SREBF1: variants seen among roughly 807,000 people sequenced by gnomAD.
The protein encoded by SREBF1 is sterol regulatory element binding transcription factor 1.
Under a neutral mutation model 100.1 loss-of-function variants are expected in SREBF1, and 45 were observed. That is an observed-to-expected ratio of 0.45 (90% CI 0.35 to 0.58). The LOEUF is 0.58. Ranked by LOEUF, SREBF1 falls within the 20% of genes least tolerant of loss-of-function variation. The pLI is 0.00. For missense variants in SREBF1, 1,324 were observed against 1,539.4 expected (o/e 0.86, Z 2.34); for synonymous variants, 657 against 681.8 (o/e 0.96, Z 0.57).
chr17:17,818,709 G>A (rs557953261), intron 5 of SREBF1: 80 of 558,208 alleles, frequency 1.4e-4, no homozygotes, highest in Middle Eastern at 9.7e-4. Context: ...TGGTGGTCTC[G>A]AGCACTTATT....
At chr17:17,818,961 C>T in intron 5 of SREBF1, 52 bp downstream of exon 5, 3 of 1,586,700 alleles carry the variant, frequency 1.9e-6, no homozygotes, top group Non-Finnish European at 2.6e-6. Flanking sequence ...TGCCCCTGAT[C>T]TGTTCCTTCC....
intron 2 of SREBF1, 85 bp from the exon 3 acceptor site, chr17:17,819,810 C>A: frequency 6.8e-7 from 1 of 1,470,432 alleles, no homozygotes. Context: ...CACCGACTGG[C>A]CTTGGATGAG....
rs1167030900 is a variant in SREBF1, at chr17:17,833,472, TATAC to T, written c.91+3251_91+3254del. 5.9e-3 allele frequency among the ~76,000 whole-genome samples: 696 copies of T among 117,966 alleles called. 25 individuals carry two copies. The highest frequency in any genetic ancestry group is 0.023 in the African/African-American group (640 of 27,394). 77.4% of individuals were successfully genotyped at this position (117,966 alleles called of 152,430 possible). On this transcript the variant is annotated intron_variant, in intron 1 of 18. Transcript: ENST00000261646. ...AAAAATATATATATATATATATATATATACACACACACATACAGATCCACAGCTG... is the reference window on the plus strand; with the variant it reads ...AAAAATATATATATATATATATATATACACACACATACAGATCCACAGCTG...
chr17:17,829,108 A>G (rs2034669004), intron 1 of SREBF1, among the ~76,000 whole-genome samples: 2 of 150,058 alleles, frequency 1.3e-5, no homozygotes, highest in Non-Finnish European at 3.0e-5. Context: ...CAGGAGAATC[A>G]TTTGAACCCA....
chr17:17,814,492 T>C (rs1423121133), intron 15 of SREBF1, 82 bp from the exon 16 acceptor site: 1 of 1,538,154 alleles, frequency 6.5e-7, no homozygotes, highest in Non-Finnish European at 8.7e-7. Flanking sequence ...CTGGCTCGAG[T>C]TCCCTGAGGA....
rs201688246 is a variant in SREBF1 at position 17,816,349 on chromosome 17, G to A, written c.2072C>T (p.Thr691Ile). Residue 691 changes from threonine (T) to isoleucine (I), a missense_variant, in exon 11 of 19, where the codon ACT (threonine) becomes ATT (isoleucine). Transcript: ENST00000261646. ...GGCACTCAGCGCCAGGTTGGTGGCAGTGAGGTGCCCGCCTGTGTGCTTCCC... is the reference window on the plus strand; with the variant it reads ...GGCACTCAGCGCCAGGTTGGTGGCAATGAGGTGCCCGCCTGTGTGCTTCCC... ...TMGKHTGGHL[T>I]ATNLALSALN... The A allele has an allele frequency of 1.3e-6, 2 of 1,584,528 alleles. No individual in the cohort carries two copies. Among genetic ancestry groups the A allele is most frequent in the East Asian group, 4.6e-5 (2 of 43,120 alleles).
intron 1 of SREBF1, among the ~76,000 whole-genome samples, chr17:17,833,473 A>ATATATT (rs1283314278): frequency 1.5e-5 from 2 of 131,872 alleles, no homozygotes; most frequent in African/African-American, 6.0e-5. Context: ...ATATATATAT[A>ATATATT]TACACACACA....
intron 1 of SREBF1, among the ~76,000 whole-genome samples, chr17:17,825,877 A>G (rs961485626): frequency 3.9e-5 from 6 of 152,054 alleles, no homozygotes; most frequent in African/African-American, 1.4e-4. Flanking sequence ...CGGCCTCCCA[A>G]TGTGTTGCGA....
chr17:17,828,621 A>C (rs1459806727), intron 1 of SREBF1, among the ~76,000 whole-genome samples: 1 of 152,130 alleles, frequency 6.6e-6, no homozygotes, highest in Admixed American at 6.5e-5. Context: ...TTCAGTCAAA[A>C]TGGCAGTGCT....
chr17:17,831,914 G>A (rs2034886089), intron 1 of SREBF1, among the ~76,000 whole-genome samples: 1 of 152,170 alleles, frequency 6.6e-6, no homozygotes, highest in African/African-American at 2.4e-5. Context: ...ACCGGATGGG[G>A]CCCAAGGCCC....
At position 17,823,657 on chromosome 17, in the gene SREBF1, C is replaced by CGCCCCGCCCCCA. The variant is rs2034275588; in HGVS notation, c.92-3137_92-3136insTGGGGGCGGGGC. Reference sequence around the variant, plus strand: ...AAGCCGTTGAGCGCTGCGGCGCGCCCGCCCCGCCCCGCCCCGCCCCCAGCC... The same window carrying CGCCCCGCCCCCA: ...AAGCCGTTGAGCGCTGCGGCGCGCCCGCCCCGCCCCCAGCCCCGCCCCGCCCCGCCCCCAGCC... On this transcript the variant is annotated intron_variant, in intron 1 of 18. Coordinates refer to ENST00000261646, the MANE Select transcript of SREBF1 (RefSeq NM_004176.5). The CGCCCCGCCCCCA allele has an allele frequency of 2.4e-6, 3 of 1,225,398 alleles. No homozygotes were observed. The African/African-American group carries it at 4.7e-5, about 19-fold the overall frequency. The allele number at this position is 1,225,398 out of a possible 1,614,324, so 75.9% of individuals were successfully genotyped here.
chr17:17,835,999 G>T (rs1291108940), intron 1 of SREBF1, among the ~76,000 whole-genome samples: 3 of 152,208 alleles, frequency 2.0e-5, no homozygotes, highest in Non-Finnish European at 4.4e-5. Flanking sequence ...TCTCAGCTTA[G>T]AAGTCCCTGA....
chr17:17,829,209 T>A (rs1432962804), intron 1 of SREBF1, among the ~76,000 whole-genome samples: 1,315 of 47,870 alleles, frequency 0.027, 52 homozygotes, highest in Middle Eastern at 0.05. Flanking sequence ...AAAAAAAATA[T>A]ATATATATAT....
intron 1 of SREBF1, among the ~76,000 whole-genome samples, chr17:17,835,820 C>T (rs901923507): frequency 6.6e-6 from 1 of 152,250 alleles, no homozygotes; most frequent in Non-Finnish European, 1.5e-5. Context: ...TGTTCTGCTC[C>T]GCCCTTTCCC....
Position 17,820,292 on chromosome 17 carries a change from C to T in SREBF1, c.321G>A (p.Leu107=). 6.2e-7 allele frequency: 1 copy of T among 1,613,826 alleles called. No homozygotes were observed. Among genetic ancestry groups the T allele is most frequent in the South Asian group, 1.1e-5 (1 of 91,082 alleles). Residue 107 remains leucine, a synonymous_variant, in exon 2 of 19, where the codon TTG becomes TTA. Coordinates refer to ENST00000261646, the MANE Select transcript of SREBF1 (RefSeq NM_004176.5). ...AAGCGGGCATGGACGGGTACATCTT[C>T]AATGGAGTGGGTGCAGGCTGGGGAG... is the stretch of plus-strand genomic sequence containing the variant. The part of the protein sequence containing the change: ...LSPPQPAPTP[L]KMYPSMPAFS...
intron 11 of SREBF1, 77 bp from the exon 12 acceptor site, chr17:17,816,105 G>T: frequency 2.1e-6 from 3 of 1,435,082 alleles, no homozygotes; most frequent in Non-Finnish European, 2.8e-6. Flanking sequence ...AGCTTGGCCT[G>T]GAGTCCCCCT....
intron 16 of SREBF1, 95 bp downstream of exon 16, chr17:17,814,150 A>G: frequency 1.4e-6 from 2 of 1,409,482 alleles, no homozygotes; most frequent in East Asian, 4.9e-5. Context: ...GGCTAACCCC[A>G]TGGTCTTCTG....
In SREBF1 at chr17:17,824,854, G is replaced by A. The variant is rs1174921496; in HGVS notation, c.92-4333C>T. 6.6e-6 allele frequency among the ~76,000 whole-genome samples: 1 copy of A among 152,106 alleles called. No individual in the cohort carries two copies. The highest frequency in any genetic ancestry group is 2.1e-4 in the South Asian group (1 of 4,828). On this transcript the variant is annotated intron_variant, in intron 1 of 18. Transcript: ENST00000261646. This position sits in a 1 kb window ranked among gnomAD's most constrained non-coding sequence, Gnocchi z 4.2. Reference sequence around the variant, plus strand: ...AAGAAAACCCAGCCATGTCTCTCTCGCAACCTGTCCTCGCCACCGCCGTCC... The same window carrying A: ...AAGAAAACCCAGCCATGTCTCTCTCACAACCTGTCCTCGCCACCGCCGTCC...
chr17:17,813,113 CCAT>C (rs1255537952), intron 18 of SREBF1: 2 of 603,702 alleles, frequency 3.3e-6, no homozygotes, highest in Admixed American at 5.8e-5. Flanking sequence ...CATCAGGTAA[CCAT>C]CAAGAAGATG....
Sources: allele counts gnomAD v4.1 joint callset (sites outside exome capture counted in the v4.1 genomes callset), GRCh38; gene constraint gnomAD v4.1.1; non-coding constraint Gnocchi (gnomAD v3.1); transcripts MANE v1.5; gene names NCBI Gene and HGNC (gene_info 2026-07-23, HGNC 2026-07-21).